Variants in CACNB4 observed in about 807,000 individuals in gnomAD.
CACNB4 encodes voltage-dependent L-type calcium channel subunit beta-4.
Under a neutral mutation model 71.2 loss-of-function variants are expected in CACNB4, and 32 were observed. The observed-to-expected ratio is 0.45, with a 90% CI of 0.34 to 0.60. The LOEUF (loss-of-function observed/expected upper bound fraction) is 0.60, where lower values mean the gene tolerates loss of function less well. Ranked by LOEUF, CACNB4 falls within the 20% of genes least tolerant of loss-of-function variation. The pLI is 0.01. For missense variants in CACNB4, 464 were observed against 647.9 expected (o/e 0.72, Z 3.08); for synonymous variants, 231 against 236.9 (o/e 0.97, Z 0.23).
chr2:151,931,293 A>T (rs373675849), intron 2 of CACNB4, among the ~76,000 whole-genome samples: 51 of 152,314 alleles, frequency 3.3e-4, no homozygotes, highest in African/African-American at 1.2e-3. Flanking sequence ...CAGTATCTGG[A>T]AGCCTATTAC....
At chr2:151,943,989 G>A (rs2151639823) in intron 2 of CACNB4, among the ~76,000 whole-genome samples, 1 of 151,706 alleles carries the variant, frequency 6.6e-6, no homozygotes, top group Admixed American at 6.6e-5. Flanking sequence ...TGGTTTGTGT[G>A]GAACACTGAT....
chr2:151,890,525 C>T (rs2099850474), intron 2 of CACNB4, among the ~76,000 whole-genome samples: 1 of 152,184 alleles, frequency 6.6e-6, no homozygotes, highest in Non-Finnish European at 1.5e-5. Context: ...ATTCCACACA[C>T]CCTCATAGGT....
intron 2 of CACNB4, among the ~76,000 whole-genome samples, chr2:151,941,370 C>T (rs1342568090): frequency 6.7e-6 from 1 of 149,824 alleles, no homozygotes. Flanking sequence ...CAACTTCAGC[C>T]TCCTGGGTTC....
chr2:152,045,702 C>G (rs560358584), intron 2 of CACNB4, among the ~76,000 whole-genome samples: 53 of 152,226 alleles, frequency 3.5e-4, no homozygotes, highest in Non-Finnish European at 5.6e-4. Context: ...CTCTCCCTCA[C>G]GCAACCTCCA....
chr2:151,864,168 T>A (rs1042294935), intron 9 of CACNB4, among the ~76,000 whole-genome samples: 1 of 152,224 alleles, frequency 6.6e-6, no homozygotes, highest in Admixed American at 6.5e-5. Flanking sequence ...TTGTTTGGTA[T>A]ACATCTCTAA....
rs1291352673 is a variant in CACNB4, at chr2:151,835,521, C to A, written c.*3598G>T. On this transcript the variant is annotated 3_prime_UTR_variant, in exon 14 of 14. Transcript: ENST00000539935. Reference sequence around the variant, plus strand: ...TAGGGTAATTTCTACAATGGTATTACATTTTTTAAGCAAATACCAAAATAA... The same window carrying A: ...TAGGGTAATTTCTACAATGGTATTAAATTTTTTAAGCAAATACCAAAATAA... 1.3e-5 allele frequency: 2 copies of A among 151,764 alleles called. No homozygotes were observed. Among genetic ancestry groups the A allele is most frequent in the Non-Finnish European group, 3.0e-5 (2 of 67,758 alleles). 9.4% of individuals were successfully genotyped at this position (151,764 alleles called of 1,614,324 possible).
intron 2 of CACNB4, among the ~76,000 whole-genome samples, chr2:152,057,189 C>T (rs1003700901): frequency 6.6e-6 from 1 of 152,100 alleles, no homozygotes; most frequent in Non-Finnish European, 1.5e-5. Context: ...AGCAAGGAAC[C>T]GAGACCCTCA....
intron 2 of CACNB4, among the ~76,000 whole-genome samples, chr2:152,015,411 G>A (rs1451065540): frequency 3.3e-5 from 5 of 152,056 alleles, no homozygotes; most frequent in African/African-American, 7.2e-5. Context: ...GATTACAGGC[G>A]TGAGCCACCA....
intron 2 of CACNB4, chr2:151,971,228 T>G: frequency 2.1e-6 from 1 of 469,364 alleles, no homozygotes; most frequent in Non-Finnish European, 3.9e-6. Context: ...ATAATAATGG[T>G]TTACTCTTAT....
chr2:151,952,698 G>A (rs1578948611), intron 2 of CACNB4, among the ~76,000 whole-genome samples: 2 of 152,210 alleles, frequency 1.3e-5, no homozygotes, highest in Non-Finnish European at 2.9e-5. Context: ...GAATGCACCA[G>A]AAGGCAAATC....
At position 151,888,405 on chromosome 2, in the gene CACNB4, T is replaced by C. The variant is rs575606516; in HGVS notation, c.148-5035A>G. Among the ~76,000 whole-genome samples the C allele has an allele frequency of 1.1e-3, 167 of 151,638 alleles. 1 individual carries two copies. The highest frequency in any genetic ancestry group is 9.4e-3 in the South Asian group (45 of 4,786). The stretch of plus-strand genomic sequence containing the variant: ...AGTAAGGCCCCATATCTACAAAAAA[T>C]AAATTTTAAAAAAAAATTAGGCATG... On this transcript the variant is annotated intron_variant, in intron 2 of 13. Transcript: ENST00000539935.
chr2:151,841,864 G>A, intron 13 of CACNB4, 39 bp downstream of exon 13: 1 of 1,570,682 alleles, frequency 6.4e-7, no homozygotes, highest in South Asian at 1.1e-5. Context: ...AATTTTACAT[G>A]TAAGGTTGTA....
rs552118067 is a variant in CACNB4, at chr2:152,067,994, C to G, written c.147+30336G>C. ...ACTCAAAGAGGATTGTGAAAGGCCT[C>G]CTTGACAGTGTTTAGGTTGACTCAT... is the stretch of plus-strand genomic sequence containing the variant. On this transcript the variant is annotated intron_variant, in intron 2 of 13. Coordinates refer to ENST00000539935, the MANE Select transcript of CACNB4 (RefSeq NM_000726.5). Among the ~76,000 whole-genome samples the G allele has an allele frequency of 5.3e-5, 8 of 152,234 alleles. No homozygotes were observed. In the East Asian group the frequency reaches 1.5e-3, roughly 29 times the overall value.
At chr2:151,874,539 A>T (rs2099845462) in intron 5 of CACNB4, among the ~76,000 whole-genome samples, 1 of 152,014 alleles carries the variant, frequency 6.6e-6, no homozygotes, top group African/African-American at 2.4e-5. Context: ...TAATAATAGT[A>T]TTGGCAAGTT....
At chr2:151,846,099 C>T (rs116454588) in intron 12 of CACNB4, among the ~76,000 whole-genome samples, 1,551 of 152,244 alleles carry the variant, frequency 0.01, 10 homozygotes, top group South Asian at 0.024. Flanking sequence ...GTTTGGTACT[C>T]CATTTACAGA....
chr2:151,847,858 C>T (rs2099838009), intron 12 of CACNB4, among the ~76,000 whole-genome samples: 1 of 152,326 alleles, frequency 6.6e-6, no homozygotes. Flanking sequence ...TGCACTCCAA[C>T]CGGGGTGACA....
chr2:151,993,340 C>G (rs975768585), intron 2 of CACNB4, among the ~76,000 whole-genome samples: 2 of 151,952 alleles, frequency 1.3e-5, no homozygotes, highest in Admixed American at 6.6e-5. Context: ...GAAATAGGAG[C>G]CTGGGGCCCA....
chr2:152,052,309 T>C (rs1685478704), intron 2 of CACNB4, among the ~76,000 whole-genome samples: 1 of 152,232 alleles, frequency 6.6e-6, no homozygotes, highest in Non-Finnish European at 1.5e-5. Flanking sequence ...ATTATCTCTT[T>C]TTGTTTTTTG....
In CACNB4 at chr2:152,098,483, C is replaced by A. The variant is rs771099649; in HGVS notation, c.64-70G>T. On this transcript the variant is annotated intron_variant, in intron 1 of 13. Coordinates refer to ENST00000539935, the MANE Select transcript of CACNB4 (RefSeq NM_000726.5). The surrounding 1 kb of genome is among the most constrained non-coding windows in gnomAD (Gnocchi z 5.3). ...CAGCGCAGAGCGGGGCGACCACCCC[C>A]GGCTGGAGTCCGCCTCCGGACCCGC... The A allele has an allele frequency of 1.0e-5, 15 of 1,451,780 alleles. No homozygotes were observed. In the Admixed American group the frequency reaches 2.5e-4, roughly 24 times the overall value. The allele number at this position is 1,451,780 out of a possible 1,614,324, so 89.9% of individuals were successfully genotyped here.
Sources: allele counts gnomAD v4.1 joint callset (sites outside exome capture counted in the v4.1 genomes callset), GRCh38; gene constraint gnomAD v4.1.1; non-coding constraint Gnocchi (gnomAD v3.1); transcripts MANE v1.5; gene names NCBI Gene and HGNC (gene_info 2026-07-23, HGNC 2026-07-21).